Variants in ZFPM2 observed in about 807,000 individuals in gnomAD.
ZFPM2 encodes the protein zinc finger protein, FOG family member 2.
In ZFPM2, 20 loss-of-function variants were observed where a neutral mutation model predicts 98.6. The observed-to-expected ratio is 0.20, with a 90% CI of 0.14 to 0.29. The LOEUF (loss-of-function observed/expected upper bound fraction) is 0.29. ZFPM2 is among the 10% of genes least tolerant of loss of function. ZFPM2 has a pLI of 1.00. For synonymous variants in ZFPM2, 518 were observed against 502.7 expected, an observed-to-expected ratio of 1.03 and a Z score of -0.41; for missense variants, 1,310 against 1,388.6, an observed-to-expected ratio of 0.94 and a Z score of 0.90.
intron 4 of ZFPM2, among the ~76,000 whole-genome samples, chr8:105,631,404 G>C (rs559497770): frequency 6.6e-6 from 1 of 152,026 alleles, no homozygotes; most frequent in African/African-American, 2.4e-5. Flanking sequence ...AGTGCTAAAG[G>C]CTTCATAAGA....
At chr8:105,392,705 G>A (rs1811132970) in intron 1 of ZFPM2, among the ~76,000 whole-genome samples, 2 of 152,136 alleles carry the variant, frequency 1.3e-5, no homozygotes, top group African/African-American at 4.8e-5. Flanking sequence ...AATGTCACTA[G>A]TAGCATTAAA....
intron 5 of ZFPM2, among the ~76,000 whole-genome samples, chr8:105,777,551 G>C (rs1563559073): frequency 6.6e-6 from 1 of 152,136 alleles, no homozygotes; most frequent in Non-Finnish European, 1.5e-5. Context: ...TGTCAGGAGT[G>C]CCAGCATGGG....
rs556301831 is a variant in ZFPM2, at chr8:105,363,460, A to G, written c.40+44479A>G. Among the ~76,000 whole-genome samples the G allele has an allele frequency of 8.5e-5, 13 of 152,230 alleles. No homozygotes were observed. The South Asian group carries it at 2.7e-3, about 32-fold the overall frequency. On this transcript the variant is annotated intron_variant, in intron 1 of 7. Transcript: ENST00000407775. Reference sequence around the variant, plus strand: ...TTTTAATGAGGGAAGGAGTGAAGAAAACTAACATGTATTATGTGCCCACCA... The same window carrying G: ...TTTTAATGAGGGAAGGAGTGAAGAAGACTAACATGTATTATGTGCCCACCA...
intron 5 of ZFPM2, among the ~76,000 whole-genome samples, chr8:105,750,472 A>AT (rs1812450685): frequency 6.6e-6 from 1 of 152,120 alleles, no homozygotes. Context: ...ACGTTTTAAA[A>AT]TTAATATCAT....
intron 5 of ZFPM2, among the ~76,000 whole-genome samples, chr8:105,781,659 A>G (rs974681107): frequency 2.0e-5 from 3 of 152,276 alleles, no homozygotes; most frequent in African/African-American, 7.2e-5. Flanking sequence ...CAGAGGTTGC[A>G]GTGAGCTGAG....
chr8:105,390,407 A>T (rs1338525784), intron 1 of ZFPM2, among the ~76,000 whole-genome samples: 2 of 152,242 alleles, frequency 1.3e-5, no homozygotes, highest in East Asian at 3.8e-4. Context: ...GGCAAGGTCT[A>T]GCATGGTTTC....
chr8:105,617,935 C>T (rs1475892813), intron 4 of ZFPM2, among the ~76,000 whole-genome samples: 2 of 152,102 alleles, frequency 1.3e-5, no homozygotes, highest in Non-Finnish European at 2.9e-5. Flanking sequence ...AGACTATGTT[C>T]GGTCTTTTCC....
chr8:105,716,180 TA>T (rs1248573463), intron 5 of ZFPM2, among the ~76,000 whole-genome samples: 1 of 149,764 alleles, frequency 6.7e-6, no homozygotes. Flanking sequence ...TATAAATATG[TA>T]AATAAAATTT....
At chr8:105,788,976 G>A in intron 6 of ZFPM2, 52 bp downstream of exon 6, 1 of 1,437,712 alleles carries the variant, frequency 7.0e-7, no homozygotes, top group Admixed American at 2.2e-5. Flanking sequence ...GGAATTTATG[G>A]GAGAAAAAAA....
chr8:105,736,321 T>C (rs1812072607), intron 5 of ZFPM2, among the ~76,000 whole-genome samples: 1 of 151,980 alleles, frequency 6.6e-6, no homozygotes, highest in Non-Finnish European at 1.5e-5. Flanking sequence ...CATTTAGAAA[T>C]ATTTGCCAAC....
rs1814051832 is a variant in ZFPM2 at position 105,802,307 on chromosome 8, A to G, written c.2225A>G (p.Tyr742Cys). 3.7e-6 allele frequency: 6 copies of G among 1,613,842 alleles called. No homozygotes were observed. The highest frequency in any genetic ancestry group is 5.1e-6 in the Non-Finnish European group (6 of 1,179,832). Residue 742 changes from tyrosine (Y) to cysteine (C), a missense_variant, in exon 8 of 8, where the codon TAT (tyrosine) becomes TGT (cysteine). Tyr to Cys is a radical substitution (Grantham distance 194). Transcript: ENST00000407775. ...TMRTRKRRKM[Y>C]EMCLPEQEQR... ...CGCACACGCAAGCGCAGAAAGATGT[A>G]TGAGATGTGCCTACCTGAGCAGGAA...
chr8:105,550,344 A>T (rs1275688339), intron 3 of ZFPM2, among the ~76,000 whole-genome samples: 1 of 152,160 alleles, frequency 6.6e-6, no homozygotes, highest in East Asian at 1.9e-4. Context: ...TTTGAGGTCA[A>T]TCCTTCCACC....
intron 3 of ZFPM2, among the ~76,000 whole-genome samples, chr8:105,530,686 T>G (rs1238481947): frequency 6.6e-6 from 1 of 152,152 alleles, no homozygotes; most frequent in Admixed American, 6.6e-5. Flanking sequence ...TATGACCTCA[T>G]TTAACCTTAT....
chr8:105,655,501 G>T (rs1405577747), intron 5 of ZFPM2, among the ~76,000 whole-genome samples: 1 of 152,216 alleles, frequency 6.6e-6, no homozygotes, highest in East Asian at 1.9e-4. Flanking sequence ...AAAGTGCTGG[G>T]ATTACAGGCA....
At chr8:105,588,832 G>A (rs1007844943) in intron 4 of ZFPM2, among the ~76,000 whole-genome samples, 5 of 152,196 alleles carry the variant, frequency 3.3e-5, no homozygotes, top group African/African-American at 1.2e-4. Flanking sequence ...GAGTAAGGAT[G>A]TATGTCAGGC....
At chr8:105,498,005 G>A (rs892681267) in intron 3 of ZFPM2, among the ~76,000 whole-genome samples, 15 of 149,566 alleles carry the variant, frequency 1.0e-4, no homozygotes, top group Non-Finnish European at 1.9e-4. Context: ...GGGCAACATA[G>A]GGAGGCCCTC....
chr8:105,547,775 AAG>A (rs1358875584), intron 3 of ZFPM2, among the ~76,000 whole-genome samples: 1 of 152,124 alleles, frequency 6.6e-6, no homozygotes, highest in East Asian at 1.9e-4. Flanking sequence ...TTCTGATACA[AAG>A]ATGTTTTGAC....
Position 105,492,558 on chromosome 8 carries a change from A to G in ZFPM2, c.301+48177A>G, listed in dbSNP as rs559964920. 3.9e-5 allele frequency among the ~76,000 whole-genome samples: 6 copies of G among 152,288 alleles called. No individual in the cohort carries two copies. The East Asian group carries it at 1.2e-3, about 29-fold the overall frequency. On this transcript the variant is annotated intron_variant, in intron 3 of 7. Transcript: ENST00000407775. ...TTGCCCTACACATAAAGGCCAACAA[A>G]GTGTCAAGTACAACAAAGGTAAGAA...
At chr8:105,417,380 C>G (rs1270938644) in intron 1 of ZFPM2, among the ~76,000 whole-genome samples, 1 of 152,016 alleles carries the variant, frequency 6.6e-6, no homozygotes, top group Non-Finnish European at 1.5e-5. Flanking sequence ...CACAACTGCA[C>G]TTGTACCCCT....
Sources: gnomAD v4.1 joint callset for allele counts (sites outside exome capture counted in the v4.1 genomes callset) on GRCh38, gnomAD v4.1.1 for gene constraint, MANE v1.5 for transcripts, NCBI Gene and HGNC (gene_info 2026-07-23, HGNC 2026-07-21) for gene names.